The following BCL2L1 variants were observed in gnomAD, a reference collection of about 807,000 sequenced individuals.
The protein encoded by BCL2L1 is BCL2 like 1.
BCL2L1 carries 1 observed loss-of-function variant against 18.7 expected under a neutral mutation model. The ratio of observed to expected loss-of-function variants is 0.05; its 90% confidence interval spans 0.02 to 0.25. The LOEUF (loss-of-function observed/expected upper bound fraction) is 0.25. BCL2L1 is among the 10% of genes least tolerant of loss of function. The pLI is 1.00. For missense variants in BCL2L1, 207 were observed against 304.9 expected (o/e 0.68, Z 2.39); for synonymous variants, 103 against 122.7 (o/e 0.84, Z 1.06).
At chr20:31,712,342 TCA>T (rs2061466826) in intron 2 of BCL2L1, among the ~76,000 whole-genome samples, 1 of 152,180 alleles carries the variant, frequency 6.6e-6, no homozygotes, top group South Asian at 2.1e-4. Flanking sequence ...TCTCTGTACC[TCA>T]GTTTCCTCAT....
chr20:31,705,311 C>T (rs2061354812), intron 2 of BCL2L1, among the ~76,000 whole-genome samples: 1 of 152,198 alleles, frequency 6.6e-6, no homozygotes, highest in Non-Finnish European at 1.5e-5. Flanking sequence ...TATGATCTTA[C>T]ATACATTCTT....
intron 2 of BCL2L1, among the ~76,000 whole-genome samples, chr20:31,669,479 G>A (rs2060634178): frequency 6.8e-6 from 1 of 146,206 alleles, no homozygotes; most frequent in Admixed American, 6.9e-5. Context: ...TTTAGACGAA[G>A]ACTTGCTCTG....
intron 2 of BCL2L1, among the ~76,000 whole-genome samples, chr20:31,690,337 C>T (rs1351737145): frequency 1.3e-5 from 2 of 152,040 alleles, no homozygotes; most frequent in African/African-American, 2.4e-5. Context: ...GCCATCCTTC[C>T]ACCTCAGCCT....
intron 2 of BCL2L1, among the ~76,000 whole-genome samples, chr20:31,696,877 C>T (rs1185441330): frequency 6.6e-6 from 1 of 151,872 alleles, no homozygotes; most frequent in Non-Finnish European, 1.5e-5. Flanking sequence ...CCAACGTGGT[C>T]AAACTCTGTC....
At chr20:31,714,121 T>C (rs1390539009) in intron 2 of BCL2L1, among the ~76,000 whole-genome samples, 1 of 152,236 alleles carries the variant, frequency 6.6e-6, no homozygotes, top group Non-Finnish European at 1.5e-5. Context: ...CTGACATATC[T>C]GTCAACAGGA....
At chr20:31,705,756 T>C (rs1251724202) in intron 2 of BCL2L1, among the ~76,000 whole-genome samples, 1 of 152,186 alleles carries the variant, frequency 6.6e-6, no homozygotes, top group African/African-American at 2.4e-5. Flanking sequence ...GATACTAATA[T>C]GGAACCTACA....
chr20:31,683,923 A>T (rs552830131), intron 2 of BCL2L1, among the ~76,000 whole-genome samples: 11 of 152,288 alleles, frequency 7.2e-5, no homozygotes, highest in Admixed American at 3.3e-4. Context: ...GCAACTTATT[A>T]TTCTTCCTAT....
intron 2 of BCL2L1, among the ~76,000 whole-genome samples, chr20:31,703,642 C>T (rs1242977044): frequency 6.6e-6 from 1 of 151,066 alleles, no homozygotes; most frequent in Admixed American, 6.6e-5. Context: ...CAGTCATGCA[C>T]CACCACACCC....
chr20:31,710,697 G>A (rs1290549626), intron 2 of BCL2L1, among the ~76,000 whole-genome samples: 1 of 152,224 alleles, frequency 6.6e-6, no homozygotes, highest in Non-Finnish European at 1.5e-5. Context: ...GCAGTCAGGT[G>A]GGCTCAACTT....
chr20:31,680,393 T>C (rs1454578343), intron 2 of BCL2L1, among the ~76,000 whole-genome samples: 2 of 152,194 alleles, frequency 1.3e-5, no homozygotes, highest in Non-Finnish European at 2.9e-5. Flanking sequence ...CCTGGTTCCC[T>C]GGGTGCCTTG....
chr20:31,721,516 T>C, intron 2 of BCL2L1, 139 bp downstream of exon 2: 1 of 1,013,912 alleles, frequency 9.9e-7, no homozygotes, highest in Non-Finnish European at 1.4e-6. Context: ...TGTGGTGAAA[T>C]GAGGCCAGTC....
chr20:31,681,033 AG>A (rs2060851335), intron 2 of BCL2L1, among the ~76,000 whole-genome samples: 1 of 152,250 alleles, frequency 6.6e-6, no homozygotes, highest in Admixed American at 6.5e-5. Flanking sequence ...GAGGTGCTCC[AG>A]GAACAGGAAA....
intron 2 of BCL2L1, among the ~76,000 whole-genome samples, chr20:31,687,676 C>CAAAA (rs60094670): frequency 2.5e-5 from 2 of 81,484 alleles, no homozygotes; most frequent in East Asian, 6.1e-4. Context: ...GACTCTGTCT[C>CAAAA]AAAAAAAAAA....
intron 2 of BCL2L1, among the ~76,000 whole-genome samples, chr20:31,715,287 A>AG (rs1253817704): frequency 1.3e-5 from 2 of 151,242 alleles, no homozygotes; most frequent in East Asian, 3.9e-4. Flanking sequence ...AAAAAAAAAA[A>AG]GGAATACAGA....
intron 2 of BCL2L1, chr20:31,720,877 C>A: frequency 1.0e-6 from 1 of 985,376 alleles, no homozygotes; most frequent in East Asian, 1.1e-4. Context: ...GGGCTCTGGC[C>A]GGAAAGTAAC....
chr20:31,713,330 G>C (rs185816833), intron 2 of BCL2L1: 2 of 985,370 alleles, frequency 2.0e-6, no homozygotes, highest in Admixed American at 1.2e-4. Context: ...AAGGAGGAAA[G>C]GGTAGGGAGC....
At chr20:31,683,491 C>T (rs993783467) in intron 2 of BCL2L1, among the ~76,000 whole-genome samples, 1 of 152,050 alleles carries the variant, frequency 6.6e-6, no homozygotes, top group Non-Finnish European at 1.5e-5. Context: ...CATGATGGCC[C>T]GGCGCAGTGG....
intron 2 of BCL2L1, among the ~76,000 whole-genome samples, chr20:31,705,579 T>C (rs886556214): frequency 6.6e-6 from 1 of 152,126 alleles, no homozygotes. Flanking sequence ...AAGGGAGCTA[T>C]GGTTATTATG....
intron 2 of BCL2L1, among the ~76,000 whole-genome samples, chr20:31,683,641 C>T (rs941024093): frequency 1.3e-5 from 2 of 151,736 alleles, no homozygotes; most frequent in Non-Finnish European, 2.9e-5. Flanking sequence ...TGGTGGCGGG[C>T]ACCTGTAATC....
Sources: allele counts gnomAD v4.1 joint callset (sites outside exome capture counted in the v4.1 genomes callset), GRCh38; gene constraint gnomAD v4.1.1; transcripts MANE v1.5; gene names NCBI Gene and HGNC (gene_info 2026-07-23, HGNC 2026-07-21).